SRGAP3: variants seen among roughly 807,000 people sequenced by gnomAD.
SRGAP3 encodes the protein SLIT-ROBO Rho GTPase-activating protein 3.
A neutral mutation model predicts 121.1 loss-of-function variants in SRGAP3; 39 were observed. That is an observed-to-expected ratio of 0.32 (90% CI 0.25 to 0.42). The LOEUF is 0.42. Among genes scored for constraint, SRGAP3 ranks in the 10% least tolerant of loss-of-function variants. The pLI is 1.00. For synonymous variants in SRGAP3, 601 were observed against 570.0 expected, an observed-to-expected ratio of 1.05 and a Z score of -0.77; for missense variants, 1,213 against 1,470.6, an observed-to-expected ratio of 0.82 and a Z score of 2.86.
chr3:9,179,006 T>TC (rs775284724), intron 1 of SRGAP3, among the ~76,000 whole-genome samples: 2 of 152,056 alleles, frequency 1.3e-5, no homozygotes, highest in Non-Finnish European at 2.9e-5. Flanking sequence ...CTCCCCCATG[T>TC]CCCCTGTTCA....
At chr3:9,013,653 C>T in intron 16 of SRGAP3, 84 bp downstream of exon 16, 1 of 1,566,114 alleles carries the variant, frequency 6.4e-7, no homozygotes, top group Non-Finnish European at 8.8e-7. Flanking sequence ...CCTTTAAAAA[C>T]AGCATCTGCA....
chr3:9,224,301 C>T (rs1952914174), intron 1 of SRGAP3, among the ~76,000 whole-genome samples: 1 of 152,156 alleles, frequency 6.6e-6, no homozygotes, highest in Non-Finnish European at 1.5e-5. Context: ...CCATGACATT[C>T]GTGTTGAAAT....
chr3:9,136,413 G>T (rs1399207286), intron 1 of SRGAP3, among the ~76,000 whole-genome samples: 2 of 92,854 alleles, frequency 2.2e-5, no homozygotes, highest in Non-Finnish European at 4.7e-5. Flanking sequence ...CCCCCCGACC[G>T]CCCCGCCCCG....
chr3:9,144,392 A>G (rs956248583), intron 1 of SRGAP3, among the ~76,000 whole-genome samples: 1 of 152,190 alleles, frequency 6.6e-6, no homozygotes, highest in East Asian at 1.9e-4. Context: ...CTTTGTACTG[A>G]TGCAGATTCC....
At chr3:8,991,801 C>G (rs893881303) in intron 20 of SRGAP3, among the ~76,000 whole-genome samples, 1 of 152,136 alleles carries the variant, frequency 6.6e-6, no homozygotes, top group Non-Finnish European at 1.5e-5. Flanking sequence ...TGATTCAGAT[C>G]CTAGTGCCAC....
At chr3:8,993,101 A>C in intron 19 of SRGAP3, 46 bp from the exon 20 acceptor site, 1 of 1,611,388 alleles carries the variant, frequency 6.2e-7, no homozygotes, top group Non-Finnish European at 8.5e-7. Context: ...CCCCCAAAGA[A>C]CCCAGCATAT....
chr3:9,280,142 T>A (rs938157289), intron 3 of SRGAP3, among the ~76,000 whole-genome samples: 1 of 152,180 alleles, frequency 6.6e-6, no homozygotes, highest in Non-Finnish European at 1.5e-5. Flanking sequence ...GTGGCATAGC[T>A]TTGGGTTCCT....
Position 8,990,832 on chromosome 3 carries a change from A to C in SRGAP3, c.2566T>G (p.Leu856Val). The C allele has an allele frequency of 3.2e-6, 5 of 1,540,944 alleles. No individual in the cohort carries two copies. The highest frequency in any genetic ancestry group is 4.3e-6 in the Non-Finnish European group (5 of 1,149,846). ...GFGGVMGRVR[L>V]RSDGAAIPRR... ...GGGATGGCTGCTCCATCAGATCGTA[A>C]CCGCACTCTGCAAAGGAGCCAGGGG... is the stretch of plus-strand genomic sequence containing the variant. The change falls in exon 21 of 22, where the codon TTA (leucine) becomes GTA (valine). Residue 856 changes from leucine to valine, a missense_variant. Physicochemically the swap from Leu to Val is conservative, Grantham distance 32. Around this residue, in one of 2 missense-constraint regions of SRGAP3, gnomAD observed 420 missense variants for 437.7 expected, o/e 0.96. Coordinates refer to ENST00000383836, the MANE Select transcript of SRGAP3 (RefSeq NM_014850.4).
At chr3:9,323,218 G>T (rs1202749757) in intron 3 of SRGAP3, among the ~76,000 whole-genome samples, 1 of 151,886 alleles carries the variant, frequency 6.6e-6, no homozygotes, top group African/African-American at 2.4e-5. Flanking sequence ...GAGTTTTGGG[G>T]TGGGATGAAA....
intron 1 of SRGAP3, among the ~76,000 whole-genome samples, chr3:9,332,116 G>A (rs1219596088): frequency 6.6e-6 from 1 of 150,860 alleles, no homozygotes; most frequent in East Asian, 2.0e-4. Flanking sequence ...TTTCATTGAG[G>A]TTATTATTAT....
chr3:9,313,613 G>A (rs1405379845), intron 3 of SRGAP3, among the ~76,000 whole-genome samples: 1 of 151,882 alleles, frequency 6.6e-6, no homozygotes, highest in African/African-American at 2.4e-5. Flanking sequence ...GGAGGCAGAG[G>A]TTGCAGTGAG....
chr3:9,197,898 C>G (rs191554719), intron 1 of SRGAP3, among the ~76,000 whole-genome samples: 7 of 152,204 alleles, frequency 4.6e-5, no homozygotes, highest in Non-Finnish European at 5.9e-5. Flanking sequence ...GAATATGAGC[C>G]TTTCCAAAAC....
At position 9,320,530 on chromosome 3, in the gene SRGAP3, C is replaced by T. The variant is rs114301576; in HGVS notation, n.442+5480G>A. Among the ~76,000 whole-genome samples the T allele has an allele frequency of 6.1e-3, 928 of 151,990 alleles. 10 individuals carry two copies. Among genetic ancestry groups the T allele is most frequent in the African/African-American group, 0.021 (864 of 41,566 alleles). ...CCTGCTCCTGCCATGTGAGACGACT[C>T]GCTCCCCCTTTGCTTTCCGCCATGA... On this transcript the variant is annotated intron_variant and non_coding_transcript_variant, in intron 3 of 3. Coordinates refer to the SRGAP3 transcript ENST00000490889.
chr3:9,336,632 A>C (rs962536033), intron 1 of SRGAP3, among the ~76,000 whole-genome samples: 1 of 152,186 alleles, frequency 6.6e-6, no homozygotes, highest in African/African-American at 2.4e-5. Context: ...GAACAAAAGA[A>C]ACAACTTGAG....
chr3:9,309,878 A>G (rs188889529), intron 3 of SRGAP3, among the ~76,000 whole-genome samples: 1 of 152,156 alleles, frequency 6.6e-6, no homozygotes, highest in Non-Finnish European at 1.5e-5. Context: ...ATAAAACCAC[A>G]AGGAACTGCT....
intron 18 of SRGAP3, among the ~76,000 whole-genome samples, chr3:9,001,229 A>G (rs1942749012): frequency 6.6e-6 from 1 of 152,202 alleles, no homozygotes; most frequent in African/African-American, 2.4e-5. Flanking sequence ...GCTGGAATAG[A>G]GGAGATGTTG....
chr3:9,004,548 T>C (rs1942955037), intron 18 of SRGAP3, among the ~76,000 whole-genome samples: 1 of 152,138 alleles, frequency 6.6e-6, no homozygotes, highest in South Asian at 2.1e-4. Context: ...ATGAAGACAG[T>C]ATAGTACCAA....
At chr3:9,334,488 G>A (rs1187436185) in intron 1 of SRGAP3, among the ~76,000 whole-genome samples, 2 of 152,126 alleles carry the variant, frequency 1.3e-5, no homozygotes, top group East Asian at 3.8e-4. Context: ...TATGGAGGGA[G>A]GGAAAGAAGG....
intron 21 of SRGAP3, among the ~76,000 whole-genome samples, chr3:8,986,155 C>T (rs1210829272): frequency 1.3e-5 from 2 of 152,114 alleles, no homozygotes; most frequent in Non-Finnish European, 2.9e-5. Context: ...GCAGGTCAGA[C>T]TACTGATAAA....
Sources: allele counts gnomAD v4.1 joint callset (sites outside exome capture counted in the v4.1 genomes callset), GRCh38; gene constraint gnomAD v4.1.1; regional missense constraint gnomAD v4.1.1; transcripts MANE v1.5; gene names NCBI Gene and HGNC (gene_info 2026-07-23, HGNC 2026-07-21).